Variants in HDAC9 observed in about 807,000 individuals in gnomAD.
HDAC9 encodes the protein MEF-2 interacting transcription repressor (MITR) protein.
HDAC9 carries 41 observed loss-of-function variants against 139.4 expected under a neutral mutation model. The ratio of observed to expected loss-of-function variants is 0.29; its 90% CI spans 0.23 to 0.38. The LOEUF (loss-of-function observed/expected upper bound fraction) is 0.38. HDAC9 is among the 10% of genes least tolerant of loss of function. HDAC9 has a pLI of 1.00. For missense variants in HDAC9, 1,147 were observed against 1,297.0 expected (o/e 0.88, Z 1.78); for synonymous variants, 517 against 476.2 (o/e 1.09, Z -1.12).
Position 18,114,504 on chromosome 7 carries a change from G to C in HDAC9, c.-97+27291G>C, listed in dbSNP as rs1222238361. On this transcript the variant is annotated intron_variant, in intron 1 of 12. Transcript: ENST00000417496. ...AGTTGAATGCTATTTCACCTGGAAGGCTACCTTTTTAGTCCTTACCTGCAG... is the reference window on the plus strand; with the variant it reads ...AGTTGAATGCTATTTCACCTGGAAGCCTACCTTTTTAGTCCTTACCTGCAG... Among the ~76,000 whole-genome samples, 11 of 152,260 alleles carry C rather than the reference G, an allele frequency of 7.2e-5. No homozygotes were observed. In the South Asian group the frequency reaches 2.3e-3, roughly 32 times the overall value.
intron 1 of HDAC9, among the ~76,000 whole-genome samples, chr7:18,323,850 G>C (rs139923201): frequency 4.6e-5 from 7 of 151,880 alleles, no homozygotes; most frequent in Non-Finnish European, 8.8e-5. Context: ...TATTCTCACA[G>C]TTGTGGAGCT....
At chr7:18,946,036 C>CAAAATAAAAAAAAAAAAAAAA (rs1563077235) in intron 23 of HDAC9, among the ~76,000 whole-genome samples, 24 of 38,276 alleles carry the variant, frequency 6.3e-4, no homozygotes, top group South Asian at 1.9e-3. Flanking sequence ...GACTCCGTCT[C>CAAAATAAAAAAAAAAAAAAAA]AAAAAAAAAA....
chr7:18,273,055 C>CTTTTTTTT (rs1491175072), intron 2 of HDAC9, among the ~76,000 whole-genome samples: 4 of 68,236 alleles, frequency 5.9e-5, no homozygotes, highest in Non-Finnish European at 1.1e-4. Context: ...TCCCCTTCTT[C>CTTTTTTTT]GTTTTTTTTT....
intron 1 of HDAC9, among the ~76,000 whole-genome samples, chr7:18,156,892 A>G (rs1476366646): frequency 6.6e-6 from 1 of 152,156 alleles, no homozygotes; most frequent in Non-Finnish European, 1.5e-5. Flanking sequence ...TGTGAGGCTG[A>G]GGCAGGACGA....
intron 1 of HDAC9, among the ~76,000 whole-genome samples, chr7:18,348,507 T>G (rs1439191106): frequency 1.3e-5 from 2 of 152,134 alleles, no homozygotes; most frequent in Non-Finnish European, 2.9e-5. Context: ...AATACCACTG[T>G]TTTTAGGCAT....
intron 1 of HDAC9, among the ~76,000 whole-genome samples, chr7:18,368,432 T>C (rs1354540772): frequency 6.6e-6 from 1 of 152,064 alleles, no homozygotes; most frequent in Non-Finnish European, 1.5e-5. Flanking sequence ...AAATTTCTTA[T>C]ATATCAAACA....
chr7:18,797,876 C>A (rs1169547134), intron 17 of HDAC9, among the ~76,000 whole-genome samples: 1 of 151,694 alleles, frequency 6.6e-6, no homozygotes, highest in Non-Finnish European at 1.5e-5. Flanking sequence ...TTTAAACATG[C>A]TTTTTGCTTT....
At chr7:18,257,512 A>G (rs1795356477) in intron 2 of HDAC9, among the ~76,000 whole-genome samples, 1 of 152,028 alleles carries the variant, frequency 6.6e-6, no homozygotes, top group Non-Finnish European at 1.5e-5. Context: ...GGTACTATCC[A>G]TTTTGTATAA....
intron 2 of HDAC9, among the ~76,000 whole-genome samples, chr7:18,233,783 G>A (rs1793635442): frequency 6.6e-6 from 1 of 152,130 alleles, no homozygotes; most frequent in South Asian, 2.1e-4. Flanking sequence ...CTTGTTGCCA[G>A]CATGTGCCCT....
chr7:18,639,690 C>T (rs1784968644), intron 8 of HDAC9, among the ~76,000 whole-genome samples: 1 of 151,950 alleles, frequency 6.6e-6, no homozygotes, highest in Admixed American at 6.6e-5. Context: ...ATGATTGAGG[C>T]TTTTCTTTTT....
intron 2 of HDAC9, among the ~76,000 whole-genome samples, chr7:18,519,546 A>T (rs115683095): frequency 6.6e-6 from 1 of 152,172 alleles, no homozygotes; most frequent in Non-Finnish European, 1.5e-5. Context: ...TAACACATCA[A>T]TGAGGTGCCA....
At chr7:18,226,891 T>C (rs1793091594) in intron 2 of HDAC9, among the ~76,000 whole-genome samples, 1 of 152,046 alleles carries the variant, frequency 6.6e-6, no homozygotes, top group Non-Finnish European at 1.5e-5. Flanking sequence ...ATTTGAAGGG[T>C]TTCAAATAGA....
intron 2 of HDAC9, among the ~76,000 whole-genome samples, chr7:18,558,813 A>G (rs912523093): frequency 6.6e-6 from 1 of 152,220 alleles, no homozygotes; most frequent in African/African-American, 2.4e-5. Flanking sequence ...TTTTCTTCAC[A>G]GTAAAGGTTT....
chr7:18,428,466 G>A lies in HDAC9; in HGVS notation c.-41-67796G>A, dbSNP rs113107906. ...TTAAAAATGGGCTAAAGGTTTGCAGGGATATTTCTCCAAAGAAGACATACA... is the reference window on the plus strand; with the variant it reads ...TTAAAAATGGGCTAAAGGTTTGCAGAGATATTTCTCCAAAGAAGACATACA... On this transcript the variant is annotated intron_variant, in intron 1 of 3. Coordinates refer to the HDAC9 transcript ENST00000413509. 2.8e-3 allele frequency among the ~76,000 whole-genome samples: 432 copies of A among 152,130 alleles called. 4 individuals carry two copies. The highest frequency in any genetic ancestry group is 3.2e-3 in the Non-Finnish European group (219 of 67,986).
intron 2 of HDAC9, among the ~76,000 whole-genome samples, chr7:18,242,110 G>A (rs1794226674): frequency 6.6e-6 from 1 of 152,018 alleles, no homozygotes; most frequent in Admixed American, 6.5e-5. Flanking sequence ...GAATCACTGG[G>A]TATCTGCTTG....
chr7:18,697,178 T>C (rs969202353), intron 12 of HDAC9, among the ~76,000 whole-genome samples: 1 of 152,160 alleles, frequency 6.6e-6, no homozygotes, highest in Non-Finnish European at 1.5e-5. Context: ...TCAGCAGTAG[T>C]AAATCTGGAT....
intron 21 of HDAC9, among the ~76,000 whole-genome samples, chr7:18,845,413 T>C (rs906823662): frequency 2.0e-5 from 3 of 152,134 alleles, no homozygotes; most frequent in African/African-American, 7.2e-5. Context: ...TGTGGCCCAA[T>C]TTAAAATTTT....
In HDAC9 at chr7:18,899,120, G is replaced by A. The variant is rs182245396; in HGVS notation, c.2803+24524G>A. Among the ~76,000 whole-genome samples, 36 of 152,090 alleles carry A rather than the reference G, an allele frequency of 2.4e-4. No homozygotes were observed. The East Asian group carries it at 6.8e-3, about 29-fold the overall frequency. On this transcript the variant is annotated intron_variant, in intron 22 of 25. Coordinates refer to ENST00000686413, the MANE Select transcript of HDAC9 (RefSeq NM_178425.4). Reference sequence around the variant, plus strand: ...TATTAATGAAAAAACATGTTTTAATGTTAGGATATATTTGCTATGGTTTGG... The same window carrying A: ...TATTAATGAAAAAACATGTTTTAATATTAGGATATATTTGCTATGGTTTGG...
chr7:18,139,947 G>A (rs1277768557), intron 1 of HDAC9, among the ~76,000 whole-genome samples: 1 of 152,178 alleles, frequency 6.6e-6, no homozygotes, highest in Non-Finnish European at 1.5e-5. Flanking sequence ...GAAAACTGAT[G>A]TGGGACTTCT....
Sources: allele counts gnomAD v4.1 joint callset (sites outside exome capture counted in the v4.1 genomes callset), GRCh38; gene constraint gnomAD v4.1.1; transcripts MANE v1.5; gene names NCBI Gene and HGNC (gene_info 2026-07-23, HGNC 2026-07-21).